Variants in SPRED1 observed in about 807,000 individuals in gnomAD.
SPRED1 encodes the protein sprouty-related, EVH1 domain-containing protein 1.
SPRED1 carries 18 observed loss-of-function variants against 52.3 expected under a neutral mutation model. The observed-to-expected ratio is 0.34, with a 90% CI of 0.24 to 0.51. The LOEUF is 0.51. Among genes scored for constraint, SPRED1 ranks in the 20% least tolerant of loss-of-function variants. The pLI is 0.97. For missense variants in SPRED1, 485 were observed against 551.0 expected, an observed-to-expected ratio of 0.88 and a Z score of 1.20; for synonymous variants, 155 against 179.7, an observed-to-expected ratio of 0.86 and a Z score of 1.10.
chr15:38,253,891 C>A (rs1261914719), intron 1 of SPRED1, among the ~76,000 whole-genome samples: 2 of 152,168 alleles, frequency 1.3e-5, no homozygotes, highest in African/African-American at 2.4e-5. Flanking sequence ...CTAATTTTTA[C>A]CTTTCAGCTA....
intron 1 of SPRED1, among the ~76,000 whole-genome samples, chr15:38,254,330 G>T (rs995414673): frequency 6.6e-6 from 1 of 152,028 alleles, no homozygotes; most frequent in African/African-American, 2.4e-5. Flanking sequence ...GCTAGAGAAA[G>T]GCCAAACAAC....
chr15:38,270,692 T>TA (rs1435679892), intron 1 of SPRED1, among the ~76,000 whole-genome samples: 31 of 152,288 alleles, frequency 2.0e-4, no homozygotes, highest in Middle Eastern at 6.8e-3. Context: ...ACATGGGGAT[T>TA]ACATACTCGA....
At chr15:38,304,498 C>G (rs1895211127) in intron 2 of SPRED1, among the ~76,000 whole-genome samples, 1 of 152,110 alleles carries the variant, frequency 6.6e-6, no homozygotes. Flanking sequence ...TTCCTTATTC[C>G]CCTTACAAGT....
intron 3 of SPRED1, among the ~76,000 whole-genome samples, chr15:38,323,188 A>C (rs1439046337): frequency 6.6e-6 from 1 of 152,146 alleles, no homozygotes; most frequent in Non-Finnish European, 1.5e-5. Flanking sequence ...AGAAAATCTG[A>C]AAACATAAAC....
intron 2 of SPRED1, among the ~76,000 whole-genome samples, chr15:38,302,545 A>G (rs773432574): frequency 1.2e-4 from 18 of 152,128 alleles, no homozygotes; most frequent in African/African-American, 1.7e-4. Context: ...GCTTACCTAT[A>G]AAGCATCTTT....
intron 5 of SPRED1, among the ~76,000 whole-genome samples, chr15:38,340,160 C>T (rs1896000790): frequency 2.6e-5 from 4 of 152,190 alleles, no homozygotes; most frequent in Non-Finnish European, 5.9e-5. Context: ...CCCCTTATCT[C>T]ACAGGAAAGC....
At chr15:38,322,129 A>C in intron 2 of SPRED1, 112 bp from the exon 3 acceptor site, 1 of 1,060,192 alleles carries the variant, frequency 9.4e-7, no homozygotes, top group Non-Finnish European at 1.4e-6. Flanking sequence ...TAAAATACTA[A>C]AAATTATTCA....
rs762633609 is a variant in SPRED1 at position 38,324,787 on chromosome 15, C to G, written c.401C>G (p.Ala134Gly). ...GGATGCCCCGAATCAAAAAATGAAGCTGAAGGGGCAGATGACTTACAAGTA... is the reference window on the plus strand; with the variant it reads ...GGATGCCCCGAATCAAAAAATGAAGGTGAAGGGGCAGATGACTTACAAGTA... ...SQGCPESKNEAEGADDLQANE... is the reference protein window; with the variant it reads ...SQGCPESKNEGEGADDLQANE... The change falls in exon 4 of 7, where the codon GCT becomes GGT. Residue 134 changes from alanine (A) to glycine (G), a missense_variant. Around this residue, in one of 5 missense-constraint regions of SPRED1, gnomAD observed 232 missense variants for 231.8 expected, o/e 1.00. Coordinates refer to ENST00000299084, the MANE Select transcript of SPRED1 (RefSeq NM_152594.3). 6.2e-6 allele frequency: 10 copies of G among 1,611,322 alleles called. No homozygotes were observed. The Admixed American group carries it at 1.5e-4, about 24-fold the overall frequency.
intron 1 of SPRED1, among the ~76,000 whole-genome samples, chr15:38,284,361 A>C (rs763915798): frequency 1.3e-5 from 2 of 152,126 alleles, no homozygotes; most frequent in Non-Finnish European, 2.9e-5. Flanking sequence ...AAATATTTAG[A>C]TGTTACATTT....
chr15:38,299,868 A>G (rs28705318), intron 2 of SPRED1, among the ~76,000 whole-genome samples: 7,775 of 152,206 alleles, frequency 0.051, 262 homozygotes, highest in South Asian at 0.11. Flanking sequence ...AGATTGGCAA[A>G]CTAATCCACA....
chr15:38,337,840 C>T (rs942444873), intron 4 of SPRED1, among the ~76,000 whole-genome samples: 2 of 151,696 alleles, frequency 1.3e-5, no homozygotes, highest in African/African-American at 4.8e-5. Context: ...TGATACTACT[C>T]CTAAAACTTA....
At chr15:38,262,943 T>C (rs1228213920) in intron 1 of SPRED1, among the ~76,000 whole-genome samples, 5 of 152,206 alleles carry the variant, frequency 3.3e-5, no homozygotes, top group Non-Finnish European at 5.9e-5. Context: ...GGCGACTCAG[T>C]ATTTTAAGTG....
At chr15:38,294,391 T>G (rs960001854) in intron 1 of SPRED1, among the ~76,000 whole-genome samples, 8 of 152,198 alleles carry the variant, frequency 5.3e-5, no homozygotes, top group African/African-American at 1.9e-4. Context: ...TAATTAAAAA[T>G]GGAAAAAGTT....
intron 1 of SPRED1, among the ~76,000 whole-genome samples, chr15:38,265,733 G>A (rs1053495279): frequency 6.6e-6 from 1 of 151,860 alleles, no homozygotes; most frequent in African/African-American, 2.4e-5. Context: ...AGTAGATTCG[G>A]TGTCTTGCCA....
intron 1 of SPRED1, among the ~76,000 whole-genome samples, chr15:38,263,597 C>T (rs1461253625): frequency 2.0e-5 from 3 of 152,048 alleles, no homozygotes; most frequent in South Asian, 2.1e-4. Context: ...ATTGAGAAAG[C>T]GTTAGATATC....
chr15:38,268,940 C>CTT (rs66775738), intron 1 of SPRED1, among the ~76,000 whole-genome samples: 5 of 121,860 alleles, frequency 4.1e-5, no homozygotes, highest in African/African-American at 5.7e-5. Flanking sequence ...TAACTTTTTT[C>CTT]TTTTTTTTTT....
At chr15:38,339,608 T>C in intron 4 of SPRED1, 129 bp from the exon 5 acceptor site, 1 of 884,490 alleles carries the variant, frequency 1.1e-6, no homozygotes, top group Non-Finnish European at 1.8e-6. Flanking sequence ...TGGGAATTGC[T>C]ATTCATAGCG....
At chr15:38,279,783 A>G (rs1291958136) in intron 1 of SPRED1, among the ~76,000 whole-genome samples, 1 of 152,234 alleles carries the variant, frequency 6.6e-6, no homozygotes, top group African/African-American at 2.4e-5. Context: ...CATTGCAAGG[A>G]GACATTAAAA....
In SPRED1 at chr15:38,351,080, C is replaced by T. The variant is rs1172820756; in HGVS notation, c.751C>T (p.Arg251Ter). Residue 251 changes from arginine (R) to a stop codon, truncating the protein, a stop_gained, in exon 7 of 7, where the codon CGA (arginine) becomes TGA (stop). Transcript: ENST00000299084. LOFTEE classifies it high-confidence loss of function. The part of the protein sequence containing the change: ...DEDEIVRINP[R>*]DILIRRYADY... ...GGATGAGATTGTCAGAATAAACCCTCGAGATATCTTAATACGTCGCTATGC... is the reference window on the plus strand; with the variant it reads ...GGATGAGATTGTCAGAATAAACCCTTGAGATATCTTAATACGTCGCTATGC... 2 of 1,613,742 alleles carry T rather than the reference C, an allele frequency of 1.2e-6. No homozygotes were observed. Among genetic ancestry groups the T allele is most frequent in the Non-Finnish European group, 1.7e-6 (2 of 1,179,962 alleles).
Sources: gnomAD v4.1 joint callset for allele counts (sites outside exome capture counted in the v4.1 genomes callset) on GRCh38, gnomAD v4.1.1 for gene constraint, gnomAD v4.1.1 regional missense constraint, MANE v1.5 for transcripts, NCBI Gene and HGNC (gene_info 2026-07-23, HGNC 2026-07-21) for gene names.